Variants in ACSL4 observed in about 807,000 individuals in gnomAD.
ACSL4 encodes the protein acyl-CoA synthetase long chain family member 4.
A neutral mutation model predicts 49.1 loss-of-function variants in ACSL4; 9 were observed. The ratio of observed to expected loss-of-function variants is 0.18; its 90% CI spans 0.11 to 0.32. The LOEUF (loss-of-function observed/expected upper bound fraction) is 0.32, where lower values mean the gene tolerates loss of function less well. Ranked by LOEUF, ACSL4 falls within the 10% of genes least tolerant of loss-of-function variation. The pLI, the probability that ACSL4 is intolerant of heterozygous loss-of-function variation, is 1.00. For missense variants in ACSL4, 333 were observed against 493.7 expected (o/e 0.67, Z 3.08); for synonymous variants, 191 against 170.3 (o/e 1.12, Z -0.95).
At chrX:109,672,486 A>G (rs1214517216) in intron 9 of ACSL4, among the ~76,000 whole-genome samples, 1 of 111,861 alleles carries the variant, frequency 8.9e-6, no homozygotes, top group East Asian at 2.8e-4. Flanking sequence ...ACCTAACATT[A>G]CATGATGTTC....
chrX:109,652,006 G>A (rs1264806624), intron 15 of ACSL4, among the ~76,000 whole-genome samples: 1 of 111,304 alleles, frequency 9.0e-6, no homozygotes, highest in Non-Finnish European at 1.9e-5. Context: ...ACAAAAATGT[G>A]GCATTTTTAT....
chrX:109,730,964 C>G, intron 1 of ACSL4, among the ~76,000 whole-genome samples: 1 of 111,900 alleles, frequency 8.9e-6, no homozygotes, highest in Non-Finnish European at 1.9e-5. Flanking sequence ...CCACACCCAG[C>G]CATTCCCTTA....
intron 1 of ACSL4, among the ~76,000 whole-genome samples, chrX:109,706,518 A>G (rs997079963): frequency 8.9e-6 from 1 of 112,403 alleles, no homozygotes; most frequent in Non-Finnish European, 1.9e-5. Flanking sequence ...CATTTAAATT[A>G]GAATTTTTCA....
Position 109,648,204 on chromosome X carries a change from T to G in ACSL4, c.1856-4018A>C, listed in dbSNP as rs755670154. ...CCAGCATCATCCTGATACCAAAGCC[T>G]GGCAGAGACACAACCAAAAAAGAGA... is the stretch of plus-strand genomic sequence containing the variant. On this transcript the variant is annotated intron_variant, in intron 15 of 15. Transcript: ENST00000672401. Among the ~76,000 whole-genome samples, 521 of 111,316 alleles carry G rather than the reference T, an allele frequency of 4.7e-3. 16 individuals carry two copies. Among genetic ancestry groups the G allele is most frequent in the Admixed American group, 0.045 (469 of 10,463 alleles).
At chrX:109,684,614 GTAATACATAAC>G (rs1242200653) in intron 2 of ACSL4, among the ~76,000 whole-genome samples, 1 of 112,294 alleles carries the variant, frequency 8.9e-6, no homozygotes, top group Non-Finnish European at 1.9e-5. Flanking sequence ...AAGCCTTGTG[GTAATACATAAC>G]TAATACATAA....
rs754811059 is a variant in ACSL4 at position 109,648,117 on chromosome X, C to G, written c.1856-3931G>C. 3.6e-5 allele frequency among the ~76,000 whole-genome samples: 4 copies of G among 111,941 alleles called. No individual in the cohort carries two copies. In the South Asian group the frequency reaches 1.1e-3, roughly 31 times the overall value. On this transcript the variant is annotated intron_variant, in intron 15 of 15. Coordinates refer to ENST00000672401, the MANE Select transcript of ACSL4 (RefSeq NM_001318510.2). ...GGTACAAGGAGGAACTGATACCATTCCTTCTGAAACTATTCCAATCAATAG... is the reference window on the plus strand; with the variant it reads ...GGTACAAGGAGGAACTGATACCATTGCTTCTGAAACTATTCCAATCAATAG...
chrX:109,650,698 A>G (rs1244618067), intron 15 of ACSL4, among the ~76,000 whole-genome samples: 1 of 111,926 alleles, frequency 8.9e-6, no homozygotes, highest in Non-Finnish European at 1.9e-5. Context: ...AGAAATACAC[A>G]AAAGAGAAGT....
Position 109,681,061 on chromosome X carries a change from G to A in ACSL4, c.592C>T (p.Pro198Ser). The A allele has an allele frequency of 8.3e-7, 1 of 1,208,622 alleles. No individual in the cohort carries two copies. The highest frequency in any genetic ancestry group is 1.8e-5 in the South Asian group (1 of 56,714). The change falls in exon 6 of 16, where the codon CCT becomes TCT. Residue 198 changes from proline (P) to serine (S), a missense_variant. Transcript: ENST00000672401. ...DNKAINKAEY[P>S]EGFEIHSMQS... is the part of the protein sequence containing the mutation. Reference sequence around the variant, plus strand: ...ATGCTGTGAATCTCAAATCCTTCAGGGTACTCTGCTTTATTGATAGCCTTA... The same window carrying A: ...ATGCTGTGAATCTCAAATCCTTCAGAGTACTCTGCTTTATTGATAGCCTTA...
At chrX:109,729,832 T>C (rs1189105442) in intron 1 of ACSL4, among the ~76,000 whole-genome samples, 1 of 112,286 alleles carries the variant, frequency 8.9e-6, no homozygotes, top group Non-Finnish European at 1.9e-5. Flanking sequence ...CAAGGAATTA[T>C]GCTGAGTGAA....
At chrX:109,697,372 C>G (rs1056183729) in intron 1 of ACSL4, among the ~76,000 whole-genome samples, 35 of 111,134 alleles carry the variant, frequency 3.1e-4, no homozygotes, top group African/African-American at 1.0e-3. Context: ...AGTCTAGACG[C>G]CCCCATGGAA....
At chrX:109,730,735 C>T (rs1470763787) in intron 1 of ACSL4, among the ~76,000 whole-genome samples, 1 of 112,382 alleles carries the variant, frequency 8.9e-6, no homozygotes, top group African/African-American at 3.2e-5. Context: ...GGCGCGATCT[C>T]GGCTCACTGC....
chrX:109,668,359 C>A, intron 10 of ACSL4, 86 bp from the exon 11 acceptor site: 1 of 850,198 alleles, frequency 1.2e-6, no homozygotes, highest in Non-Finnish European at 1.6e-6. Context: ...GGAAAGATTC[C>A]TCAACTGGTT....
At chrX:109,691,662 A>G (rs976048454) in intron 2 of ACSL4, among the ~76,000 whole-genome samples, 1 of 112,189 alleles carries the variant, frequency 8.9e-6, no homozygotes, top group African/African-American at 3.2e-5. Flanking sequence ...ATGCCAATAC[A>G]TTAAGAAAAT....
intron 11 of ACSL4, among the ~76,000 whole-genome samples, chrX:109,666,187 A>AAATGGGC (rs1442734646): frequency 1.8e-5 from 2 of 112,553 alleles, no homozygotes; most frequent in Non-Finnish European, 3.8e-5. Context: ...TTAAATACTA[A>AAATGGGC]ACTGCATGGG....
intron 12 of ACSL4, among the ~76,000 whole-genome samples, chrX:109,663,664 C>A (rs1922364999): frequency 9.0e-6 from 1 of 111,189 alleles, no homozygotes; most frequent in African/African-American, 3.3e-5. Flanking sequence ...ACTTAGAACA[C>A]CATTAGAGCT....
rs755808238 is a variant in ACSL4 at position 109,648,973 on chromosome X, G to A, written c.1856-4787C>T. On this transcript the variant is annotated intron_variant, in intron 15 of 15. Coordinates refer to ENST00000672401, the MANE Select transcript of ACSL4 (RefSeq NM_001318510.2). ...CCTAGGAATCCAACTTACAAGGGATGTGAAGGACCTCTTCAAGGAGAACTA... is the reference window on the plus strand; with the variant it reads ...CCTAGGAATCCAACTTACAAGGGATATGAAGGACCTCTTCAAGGAGAACTA... Among the ~76,000 whole-genome samples, 305 of 100,351 alleles carry A rather than the reference G, an allele frequency of 3.0e-3. 3 individuals are homozygous for A. The highest frequency in any genetic ancestry group is 0.011 in the African/African-American group (293 of 27,190). 87.1% of individuals were successfully genotyped at this position (100,351 alleles called of 115,157 possible). A position where few individuals can be genotyped will look rare whatever the true frequency, so the allele number is the denominator to read the frequency against.
At chrX:109,658,543 T>G (rs1921884471) in intron 15 of ACSL4, among the ~76,000 whole-genome samples, 1 of 112,237 alleles carries the variant, frequency 8.9e-6, no homozygotes, top group African/African-American at 3.2e-5. Context: ...ACTTGGCCTC[T>G]GCTAACCTCT....
intron 1 of ACSL4, among the ~76,000 whole-genome samples, chrX:109,722,804 G>A (rs920278321): frequency 2.7e-5 from 3 of 110,152 alleles, no homozygotes; most frequent in Non-Finnish European, 3.8e-5. Flanking sequence ...TCACTTACTC[G>A]GAGTTACTGA....
At chrX:109,699,908 G>A (rs1039078432) in intron 1 of ACSL4, among the ~76,000 whole-genome samples, 1 of 111,389 alleles carries the variant, frequency 9.0e-6, no homozygotes, top group Non-Finnish European at 1.9e-5. Flanking sequence ...AGCTGTGGGA[G>A]AATCTTTTCC....
Sources: gnomAD v4.1 joint callset for allele counts (sites outside exome capture counted in the v4.1 genomes callset) on GRCh38, gnomAD v4.1.1 for gene constraint, MANE v1.5 for transcripts, NCBI Gene and HGNC (gene_info 2026-07-23, HGNC 2026-07-21) for gene names.